Variants in BMP5 observed in about 807,000 individuals in gnomAD.
The protein encoded by BMP5 is bone morphogenetic protein 5.
A neutral mutation model predicts 46.6 loss-of-function variants in BMP5; 23 were observed. The ratio of observed to expected loss-of-function variants is 0.49; its 90% confidence interval spans 0.35 to 0.70. The LOEUF is 0.70. Among genes scored for constraint, BMP5 ranks in the 30% least tolerant of loss-of-function variants. BMP5 has a pLI of 0.00. For synonymous variants in BMP5, 204 were observed against 191.9 expected (o/e 1.06, Z -0.52); for missense variants, 545 against 565.6 (o/e 0.96, Z 0.37).
chr6:55,855,222 T>C (rs1777360543), intron 1 of BMP5, among the ~76,000 whole-genome samples: 1 of 152,082 alleles, frequency 6.6e-6, no homozygotes, highest in Admixed American at 6.6e-5. Flanking sequence ...TTTATTTATT[T>C]GTTTTTATTT....
chr6:55,761,490 C>T lies in BMP5; in HGVS notation c.1028-957G>A, dbSNP rs567937215. ...CTCTGACTCATTTGATCCTATTACC[C>T]CTCTGACTCTCACTTCTTCTCCTTC... On this transcript the variant is annotated intron_variant, in intron 4 of 6. Transcript: ENST00000370830. Among the ~76,000 whole-genome samples the T allele has an allele frequency of 2.0e-5, 3 of 152,018 alleles. No individual in the cohort carries two copies. The East Asian group carries it at 5.8e-4, about 29-fold the overall frequency.
intron 3 of BMP5, among the ~76,000 whole-genome samples, chr6:55,780,002 G>A (rs1313660822): frequency 6.6e-6 from 1 of 151,384 alleles, no homozygotes; most frequent in Non-Finnish European, 1.5e-5. Flanking sequence ...CTGGGGTTCT[G>A]TTTAACAAAT....
At chr6:55,783,319 G>C (rs183849406) in intron 3 of BMP5, among the ~76,000 whole-genome samples, 6 of 152,094 alleles carry the variant, frequency 3.9e-5, no homozygotes, top group Non-Finnish European at 8.8e-5. Flanking sequence ...TCCAAATTTT[G>C]ATTGCCACTT....
intron 1 of BMP5, among the ~76,000 whole-genome samples, chr6:55,853,897 T>G (rs955318263): frequency 6.6e-6 from 1 of 152,164 alleles, no homozygotes; most frequent in African/African-American, 2.4e-5. Flanking sequence ...ACCTCATGAC[T>G]TAGAGACACA....
chr6:55,803,609 C>T (rs1351249603), intron 2 of BMP5, among the ~76,000 whole-genome samples: 2 of 152,156 alleles, frequency 1.3e-5, no homozygotes, highest in East Asian at 3.9e-4. Context: ...TGCTAGCTCA[C>T]CTTACTGTTG....
chr6:55,772,160 A>C (rs1484268366), intron 4 of BMP5, among the ~76,000 whole-genome samples: 1 of 151,952 alleles, frequency 6.6e-6, no homozygotes, highest in Non-Finnish European at 1.5e-5. Context: ...AAAAGAAAAT[A>C]TTGGTCTATA....
intron 4 of BMP5, among the ~76,000 whole-genome samples, chr6:55,760,883 C>CTTA (rs893238981): frequency 6.8e-6 from 1 of 147,966 alleles, no homozygotes; most frequent in African/African-American, 2.5e-5. Flanking sequence ...TCTAGGGGTA[C>CTTA]TTAATATATT....
At chr6:55,819,875 A>C in intron 1 of BMP5, 28 bp from the exon 2 acceptor site, 1 of 1,562,850 alleles carries the variant, frequency 6.4e-7, no homozygotes, top group South Asian at 1.1e-5. Context: ...GTTGAGGGGG[A>C]AAAAAGTTAG....
At chr6:55,857,566 C>A (rs1207675376) in intron 1 of BMP5, among the ~76,000 whole-genome samples, 1 of 152,174 alleles carries the variant, frequency 6.6e-6, no homozygotes, top group Admixed American at 6.5e-5. Context: ...AGTTCCAAAA[C>A]ATCTTGAGAT....
At chr6:55,774,356 A>G in intron 3 of BMP5, 113 bp from the exon 4 acceptor site, 9 of 983,142 alleles carry the variant, frequency 9.2e-6, no homozygotes, top group Non-Finnish European at 1.4e-5. Context: ...CATTATCAGA[A>G]TGCCTTCCTT....
chr6:55,759,120 C>A lies in BMP5; in HGVS notation c.1105-5G>T. ...TTCTGGTGCTATAATCCAGTCCTGA[C>A]ACATACACACACACACACACACACA... On this transcript the variant is annotated splice_region_variant and splice_polypyrimidine_tract_variant and intron_variant, in intron 5 of 6. Transcript: ENST00000370830. The A allele has an allele frequency of 2.0e-6, 1 of 493,020 alleles. No individual in the cohort carries two copies. The highest frequency in any genetic ancestry group is 5.7e-5 in the East Asian group (1 of 17,686). 30.5% of individuals were successfully genotyped at this position (493,020 alleles called of 1,614,324 possible).
chr6:55,795,473 A>G (rs952943077), intron 2 of BMP5, among the ~76,000 whole-genome samples: 4 of 152,232 alleles, frequency 2.6e-5, no homozygotes, highest in African/African-American at 9.6e-5. Flanking sequence ...ATATCAACAT[A>G]CTGTGTTAAA....
chr6:55,794,450 A>C, intron 2 of BMP5, 23 bp from the exon 3 acceptor site: 1 of 1,612,530 alleles, frequency 6.2e-7, no homozygotes, highest in Non-Finnish European at 8.5e-7. Flanking sequence ...GGAACAACAA[A>C]AAAAGTTAAA....
At chr6:55,764,259 A>G (rs1774857137) in intron 4 of BMP5, among the ~76,000 whole-genome samples, 1 of 152,192 alleles carries the variant, frequency 6.6e-6, no homozygotes, top group African/African-American at 2.4e-5. Context: ...TATACACAAC[A>G]GCTTATTATT....
chr6:55,782,024 T>C (rs1371842735), intron 3 of BMP5, among the ~76,000 whole-genome samples: 2 of 151,508 alleles, frequency 1.3e-5, no homozygotes, highest in African/African-American at 2.4e-5. Flanking sequence ...ATAAAGAAAG[T>C]GAAAAAAAAA....
intron 1 of BMP5, among the ~76,000 whole-genome samples, chr6:55,832,734 C>A (rs1156328658): frequency 1.3e-5 from 2 of 152,088 alleles, no homozygotes; most frequent in Non-Finnish European, 2.9e-5. Context: ...TCTTTTTGAG[C>A]TTTATCTTTT....
chr6:55,825,220 G>C (rs1776501501), intron 1 of BMP5, among the ~76,000 whole-genome samples: 1 of 151,828 alleles, frequency 6.6e-6, no homozygotes, highest in Non-Finnish European at 1.5e-5. Context: ...ACACAACAAT[G>C]ATGGTAAACA....
intron 1 of BMP5, among the ~76,000 whole-genome samples, chr6:55,836,341 T>C (rs1262893422): frequency 6.6e-6 from 1 of 152,158 alleles, no homozygotes; most frequent in Non-Finnish European, 1.5e-5. Flanking sequence ...AACCAAATTA[T>C]ATAACGTGTG....
At chr6:55,825,321 A>G (rs1264607984) in intron 1 of BMP5, among the ~76,000 whole-genome samples, 1 of 151,916 alleles carries the variant, frequency 6.6e-6, no homozygotes, top group Non-Finnish European at 1.5e-5. Flanking sequence ...AGAAAACTCA[A>G]CTGCACTGCT....
Sources: allele counts gnomAD v4.1 joint callset (sites outside exome capture counted in the v4.1 genomes callset), GRCh38; gene constraint gnomAD v4.1.1; transcripts MANE v1.5; gene names NCBI Gene and HGNC (gene_info 2026-07-23, HGNC 2026-07-21).